The following PHC3 variants were observed in gnomAD, a reference collection of about 807,000 sequenced individuals.
PHC3 encodes the protein polyhomeotic-like protein 3.
Under a neutral mutation model 107.4 loss-of-function variants are expected in PHC3, and 13 were observed. The ratio of observed to expected loss-of-function variants is 0.12; its 90% CI spans 0.08 to 0.19. PHC3 has a LOEUF of 0.19. Among genes scored for constraint, PHC3 ranks in the 10% least tolerant of loss-of-function variants. The pLI is 1.00. For synonymous variants in PHC3, 456 were observed against 427.4 expected, an observed-to-expected ratio of 1.07 and a Z score of -0.83; for missense variants, 992 against 1,210.9, an observed-to-expected ratio of 0.82 and a Z score of 2.68.
intron 4 of PHC3, among the ~76,000 whole-genome samples, chr3:170,166,544 T>C (rs1402715337): frequency 1.3e-5 from 2 of 152,198 alleles, no homozygotes; most frequent in Admixed American, 6.5e-5. Flanking sequence ...CCTCAATTAA[T>C]GGGCATTTAT....
chr3:170,102,878 T>C lies in PHC3; in HGVS notation c.2525A>G (p.Asp842Gly). 2 of 1,613,744 alleles carry C rather than the reference T, an allele frequency of 1.2e-6. No homozygotes were observed. The highest frequency in any genetic ancestry group is 1.7e-6 in the Non-Finnish European group (2 of 1,179,758). ...GCCACGATGCCCAAGACTTTGATTA[T>C]CAGGCTTACGATTCCAACGACTAAG... ...FALSRWNRKP[D>G]NQSLGHRGRR... Residue 842 changes from aspartate to glycine, a missense_variant, in exon 13 of 15, where the codon GAT becomes GGT. Physicochemically the swap from Asp to Gly is moderately conservative, Grantham distance 94. Transcript: ENST00000495893.
chr3:170,123,665 C>A (rs1262493561), intron 8 of PHC3, among the ~76,000 whole-genome samples: 2 of 150,316 alleles, frequency 1.3e-5, no homozygotes, highest in Admixed American at 1.3e-4. Context: ...TGGTGGCGGG[C>A]GCCTGTAGTT....
At chr3:170,122,560 A>G (rs1307101812) in intron 9 of PHC3, 31 bp downstream of exon 9, 1 of 1,608,210 alleles carries the variant, frequency 6.2e-7, no homozygotes, top group African/African-American at 1.3e-5. Flanking sequence ...ATCAAATAGA[A>G]AAATTCCCAC....
intron 10 of PHC3, among the ~76,000 whole-genome samples, chr3:170,115,197 T>C (rs1302605085): frequency 6.6e-6 from 1 of 152,046 alleles, no homozygotes; most frequent in African/African-American, 2.4e-5. Context: ...GGAAACCTAA[T>C]GTCCAACAAT....
chr3:170,163,982 T>A (rs1728332820), intron 4 of PHC3, among the ~76,000 whole-genome samples: 1 of 151,758 alleles, frequency 6.6e-6, no homozygotes, highest in South Asian at 2.1e-4. Context: ...GGAGGACTGC[T>A]TGAGGCCAGG....
chr3:170,095,187 AC>A lies in PHC3; in HGVS notation c.*2042del, dbSNP rs1714500992. On this transcript the variant is annotated 3_prime_UTR_variant, in exon 15 of 15. Coordinates refer to ENST00000495893, the MANE Select transcript of PHC3 (RefSeq NM_024947.4). ...TATGACAATTCTGTCATGATGATTAACTGCTAATAAATGAAAACTCATTATA... is the reference window on the plus strand; with the variant it reads ...TATGACAATTCTGTCATGATGATTAATGCTAATAAATGAAAACTCATTATA... 1 of 152,182 alleles carries A rather than the reference AC, an allele frequency of 6.6e-6. No individual in the cohort carries two copies. Among genetic ancestry groups the A allele is most frequent in the Non-Finnish European group, 1.5e-5 (1 of 68,008 alleles). The allele number at this position is 152,182 out of a possible 1,614,324, so 9.4% of individuals were successfully genotyped here. A position where few individuals can be genotyped will look rare whatever the true frequency, so the allele number is the denominator to read the frequency against.
At chr3:170,181,577 G>T in intron 1 of PHC3, 125 bp downstream of exon 1, 1 of 1,385,684 alleles carries the variant, frequency 7.2e-7, no homozygotes, top group Non-Finnish European at 1.0e-6. Context: ...ACGATAGGAC[G>T]GGTCTCGAGT....
chr3:170,123,593 A>G (rs1720774420), intron 8 of PHC3, among the ~76,000 whole-genome samples: 1 of 151,980 alleles, frequency 6.6e-6, no homozygotes, highest in Non-Finnish European at 1.5e-5. Context: ...GTTCCACAAC[A>G]GCCTGGCCAA....
At chr3:170,122,493 C>CA (rs1021467062) in intron 9 of PHC3, 98 bp downstream of exon 9, 2 of 1,312,372 alleles carry the variant, frequency 1.5e-6, no homozygotes, top group African/African-American at 1.5e-5. Flanking sequence ...GTTCCAGCTA[C>CA]AAAAAGGGTG....
chr3:170,107,801 T>C (rs1425648046), intron 11 of PHC3, among the ~76,000 whole-genome samples: 1 of 152,142 alleles, frequency 6.6e-6, no homozygotes, highest in Non-Finnish European at 1.5e-5. Flanking sequence ...TATGTAACTA[T>C]CTTCAGGCAG....
At chr3:170,168,468 A>G (rs1729068847) in intron 4 of PHC3, among the ~76,000 whole-genome samples, 1 of 152,180 alleles carries the variant, frequency 6.6e-6, no homozygotes, top group African/African-American at 2.4e-5. Flanking sequence ...AAACAATCAT[A>G]AAATCACCAC....
At chr3:170,146,529 CTTTT>C (rs1724983135) in intron 5 of PHC3, among the ~76,000 whole-genome samples, 1 of 138,996 alleles carries the variant, frequency 7.2e-6, no homozygotes, top group South Asian at 2.2e-4. Flanking sequence ...TTTTCCTTTT[CTTTT>C]TCTTTTTTTT....
chr3:170,150,974 A>G (rs1259957939), intron 4 of PHC3, among the ~76,000 whole-genome samples: 1 of 152,076 alleles, frequency 6.6e-6, no homozygotes, highest in Non-Finnish European at 1.5e-5. Context: ...GCACTTTGGG[A>G]GGCTGAGGTG....
At chr3:170,179,493 C>G (rs1731049082) in intron 1 of PHC3, among the ~76,000 whole-genome samples, 1 of 152,028 alleles carries the variant, frequency 6.6e-6, no homozygotes, top group African/African-American at 2.4e-5. Context: ...CTGGCTTTTC[C>G]CCTAATCAGT....
At position 170,136,646 on chromosome 3, in the gene PHC3, C is replaced by T. The variant is rs371684899; in HGVS notation, c.692G>A (p.Arg231His). ...AGATAATACACCCAACTTCTGGCTG[C>T]GTAATGTTAAATTCTGAACCTAAGA... ...AATQVQNLTLRSQKLGVLSSS... is the reference protein window; with the variant it reads ...AATQVQNLTLHSQKLGVLSSS... The change falls in exon 7 of 15, where the codon CGC (arginine) becomes CAC (histidine). Residue 231 changes from arginine (R) to histidine (H), a missense_variant. Arg to His is a conservative substitution (Grantham distance 29). Transcript: ENST00000495893. 6 of 1,613,132 alleles carry T rather than the reference C, an allele frequency of 3.7e-6. No individual in the cohort carries two copies. Among genetic ancestry groups the T allele is most frequent in the Admixed American group, 1.7e-5 (1 of 59,892 alleles).
intron 8 of PHC3, among the ~76,000 whole-genome samples, chr3:170,126,521 TA>T (rs1278955488): frequency 2.1e-4 from 17 of 81,342 alleles, no homozygotes; most frequent in African/African-American, 4.5e-4. Flanking sequence ...TATATATATA[TA>T]TATATATTTT....
chr3:170,115,023 T>C (rs1718627172), intron 10 of PHC3, among the ~76,000 whole-genome samples: 1 of 151,946 alleles, frequency 6.6e-6, no homozygotes, highest in African/African-American at 2.4e-5. Flanking sequence ...TAAATCATTT[T>C]CCAAAAAATA....
At position 170,102,601 on chromosome 3, in the gene PHC3, C is replaced by A; in HGVS notation, c.2711G>T (p.Arg904Leu). 6.2e-7 allele frequency: 1 copy of A among 1,613,948 alleles called. No individual in the cohort carries two copies. Among genetic ancestry groups the A allele is most frequent in the Non-Finnish European group, 8.5e-7 (1 of 1,179,848 alleles). The part of the protein sequence containing the change: ...LRRQSERERE[R>L]ELRDVRIRKM... ...CCGAATTCTCACATCCCGAAGCTCACGTTCTCTTTCCCGCTCGCTCTGCCT... is the reference window on the plus strand; with the variant it reads ...CCGAATTCTCACATCCCGAAGCTCAAGTTCTCTTTCCCGCTCGCTCTGCCT... Residue 904 changes from arginine (R) to leucine (L), a missense_variant, in exon 14 of 15, where the codon CGT (arginine) becomes CTT (leucine). This residue lies in a region of PHC3 where 228 missense variants were observed against 288.8 expected (regional missense o/e 0.79). Transcript: ENST00000495893.
At position 170,117,405 on chromosome 3, in the gene PHC3, CAT is replaced by C; in HGVS notation, c.2012_2013del (p.His671ArgfsTer18). 1 of 1,613,754 alleles carries C rather than the reference CAT, an allele frequency of 6.2e-7. No homozygotes were observed. The highest frequency in any genetic ancestry group is 8.5e-7 in the Non-Finnish European group (1 of 1,179,818). Reference sequence around the variant, plus strand: ...AACAATGGAGGTGGTGGAACAGAAACATGTGAGGGATCTGATGGAGATTTAAT... The same window carrying C: ...AACAATGGAGGTGGTGGAACAGAAACGTGAGGGATCTGATGGAGATTTAAT... ...SVIKSPSDPS[H>X]VSVPPPPLLL... On this transcript the variant is annotated frameshift_variant, in exon 10 of 15. Coordinates refer to ENST00000495893, the MANE Select transcript of PHC3 (RefSeq NM_024947.4). LOFTEE classifies it high-confidence loss of function.
Sources: gnomAD v4.1 joint callset for allele counts (sites outside exome capture counted in the v4.1 genomes callset) on GRCh38, gnomAD v4.1.1 for gene constraint, gnomAD v4.1.1 regional missense constraint, MANE v1.5 for transcripts, NCBI Gene and HGNC (gene_info 2026-07-23, HGNC 2026-07-21) for gene names.